The following KIF13B variants were observed in gnomAD, a reference collection of about 807,000 sequenced individuals.
KIF13B encodes the protein kinesin-like protein KIF13B.
A neutral mutation model predicts 222.0 loss-of-function variants in KIF13B; 127 were observed. That is an observed-to-expected ratio of 0.57 (90% CI 0.50 to 0.66). The LOEUF is 0.66. Among genes scored for constraint, KIF13B ranks in the 30% least tolerant of loss-of-function variants. The pLI is 0.00. For synonymous variants in KIF13B, 976 were observed against 919.0 expected, an observed-to-expected ratio of 1.06 and a Z score of -1.12; for missense variants, 2,173 against 2,379.0, an observed-to-expected ratio of 0.91 and a Z score of 1.80.
intron 13 of KIF13B, 144 bp downstream of exon 13, chr8:29,160,583 TAAAAAA>T: frequency 1.9e-6 from 1 of 530,716 alleles, no homozygotes; most frequent in African/African-American, 2.0e-5. Flanking sequence ...CATCAAAGAC[TAAAAAA>T]GAAAACTGAG....
chr8:29,132,375 G>A lies in KIF13B; in HGVS notation c.2875C>T (p.Pro959Ser). 6.3e-7 allele frequency: 1 copy of A among 1,594,040 alleles called. No homozygotes were observed. Among genetic ancestry groups the A allele is most frequent in the Non-Finnish European group, 8.6e-7 (1 of 1,169,250 alleles). ...TCCCACAGGGCGGGGTTTTTCCGGG[G>A]ATCGTTTATTTTATGTCCATATACT... The part of the protein sequence containing the change: ...IEVYGHKIND[P>S]RKNPALWDLG... The change falls in exon 23 of 40, where the codon CCC becomes TCC. Residue 959 changes from proline (P) to serine (S), a missense_variant. Pro to Ser is a moderately conservative substitution (Grantham distance 74, BLOSUM62 -1). Transcript: ENST00000524189.
chr8:29,257,356 A>G (rs982190053), intron 1 of KIF13B, among the ~76,000 whole-genome samples: 6 of 151,810 alleles, frequency 4.0e-5, no homozygotes, highest in East Asian at 1.9e-4. Context: ...TTTTTAAAGA[A>G]CATGCTCTGC....
chr8:29,186,276 T>C lies in KIF13B; in HGVS notation c.497+16A>G. 8 of 1,589,082 alleles carry C rather than the reference T, an allele frequency of 5.0e-6. No individual in the cohort carries two copies. Among genetic ancestry groups the C allele is most frequent in the Non-Finnish European group, 6.8e-6 (8 of 1,168,306 alleles). ...AGTTCACAATGCTGAAACACTAAAG[T>C]CTCAAAGTCCTTTACCCTTTGGGAT... On this transcript the variant is annotated intron_variant, in intron 6 of 39. Transcript: ENST00000524189.
intron 2 of KIF13B, among the ~76,000 whole-genome samples, chr8:29,217,418 C>T (rs1814535532): frequency 1.3e-5 from 2 of 152,234 alleles, no homozygotes; most frequent in Non-Finnish European, 2.9e-5. Flanking sequence ...GGCAACTAAT[C>T]TAACTTCTCC....
chr8:29,160,479 T>C (rs557405472), intron 13 of KIF13B, among the ~76,000 whole-genome samples: 1 of 152,320 alleles, frequency 6.6e-6, no homozygotes, highest in Admixed American at 6.5e-5. Context: ...CTTAATTCCC[T>C]GATACAAATC....
intron 15 of KIF13B, among the ~76,000 whole-genome samples, chr8:29,149,853 T>C (rs1481083149): frequency 6.6e-6 from 1 of 152,150 alleles, no homozygotes; most frequent in Admixed American, 6.5e-5. Context: ...AAATGATCTG[T>C]CTAACCCATT....
At chr8:29,135,259 G>A (rs930895113) in intron 21 of KIF13B, among the ~76,000 whole-genome samples, 2 of 152,024 alleles carry the variant, frequency 1.3e-5, no homozygotes, top group African/African-American at 4.8e-5. Flanking sequence ...TTCCCAGACT[G>A]GTTTTGAATT....
At chr8:29,207,303 T>C (rs188939655) in intron 2 of KIF13B, among the ~76,000 whole-genome samples, 41 of 152,318 alleles carry the variant, frequency 2.7e-4, no homozygotes, top group Non-Finnish European at 5.6e-4. Flanking sequence ...GCCCTGGTGA[T>C]AGCCTACTTC....
chr8:29,252,574 A>T (rs1297709063), intron 1 of KIF13B, among the ~76,000 whole-genome samples: 1 of 152,244 alleles, frequency 6.6e-6, no homozygotes, highest in African/African-American at 2.4e-5. Context: ...TTAAAGATAG[A>T]TAATAAGCTA....
At chr8:29,208,294 A>G (rs1003438306) in intron 2 of KIF13B, among the ~76,000 whole-genome samples, 2 of 152,240 alleles carry the variant, frequency 1.3e-5, no homozygotes, top group South Asian at 2.1e-4. Context: ...ACATATGTGC[A>G]TATTAATTTA....
chr8:29,113,836 G>A (rs558149737), intron 31 of KIF13B, among the ~76,000 whole-genome samples: 36 of 152,226 alleles, frequency 2.4e-4, no homozygotes, highest in African/African-American at 8.4e-4. Context: ...CTGGATGAAC[G>A]GTGCTTCAAT....
At chr8:29,080,789 C>T (rs1437952984) in intron 37 of KIF13B, among the ~76,000 whole-genome samples, 3 of 152,158 alleles carry the variant, frequency 2.0e-5, no homozygotes, top group Non-Finnish European at 2.9e-5. Flanking sequence ...CCCGCCCGAG[C>T]CACTGTGCCC....
At chr8:29,088,954 C>G (rs1426319645) in intron 37 of KIF13B, among the ~76,000 whole-genome samples, 9 of 152,214 alleles carry the variant, frequency 5.9e-5, no homozygotes, top group Non-Finnish European at 1.0e-4. Flanking sequence ...CTCTGATCAA[C>G]TAAATCCAAA....
At chr8:29,096,085 G>T (rs1808513247) in intron 36 of KIF13B, among the ~76,000 whole-genome samples, 1 of 149,850 alleles carries the variant, frequency 6.7e-6, no homozygotes, top group African/African-American at 2.5e-5. Flanking sequence ...AGGTTCAAGT[G>T]ATTCTCCTGC....
chr8:29,109,865 C>G, intron 33 of KIF13B, 53 bp downstream of exon 33: 1 of 1,576,644 alleles, frequency 6.3e-7, no homozygotes, highest in Non-Finnish European at 8.7e-7. Context: ...CAAACACAGA[C>G]TCAGCCTGCA....
chr8:29,256,505 A>G (rs1816483898), intron 1 of KIF13B, among the ~76,000 whole-genome samples: 1 of 152,292 alleles, frequency 6.6e-6, no homozygotes, highest in Non-Finnish European at 1.5e-5. Context: ...ATATTCTTCC[A>G]ATGAACTCAC....
chr8:29,134,445 G>A (rs528502769), intron 21 of KIF13B, among the ~76,000 whole-genome samples: 12 of 152,314 alleles, frequency 7.9e-5, no homozygotes, highest in African/African-American at 2.2e-4. Context: ...AGAGGTGGAC[G>A]TTGTAAAGTC....
In KIF13B at chr8:29,176,154, T is replaced by C; in HGVS notation, c.859A>G (p.Ile287Val). ...GCACTCTGATCTGCAAGAGCTGAGA[T>C]AACCAGACCGAGGGTTGTGAGGGAC... ...NKSLTTLGLV[I>V]SALADQSAGK... The change falls in exon 10 of 40, where the codon ATC (isoleucine) becomes GTC (valine). Residue 287 changes from isoleucine (I) to valine (V), a missense_variant. By Grantham distance (29) the Ile-to-Val change is conservative (BLOSUM62 3). This residue lies in a region of KIF13B where 1,480 missense variants were observed against 1,722.8 expected (regional missense o/e 0.86). Transcript: ENST00000524189. 1 of 1,613,446 alleles carries C rather than the reference T, an allele frequency of 6.2e-7. No homozygotes were observed. The highest frequency in any genetic ancestry group is 8.5e-7 in the Non-Finnish European group (1 of 1,179,462).
At chr8:29,164,821 A>C (rs1811920478) in intron 12 of KIF13B, among the ~76,000 whole-genome samples, 1 of 151,904 alleles carries the variant, frequency 6.6e-6, no homozygotes, top group South Asian at 2.1e-4. Flanking sequence ...AGATCTTCCT[A>C]GACGAATTCT....
Sources: allele counts gnomAD v4.1 joint callset (sites outside exome capture counted in the v4.1 genomes callset), GRCh38; gene constraint gnomAD v4.1.1; regional missense constraint gnomAD v4.1.1; transcripts MANE v1.5; gene names NCBI Gene and HGNC (gene_info 2026-07-23, HGNC 2026-07-21).